RAPH1: variants seen among roughly 807,000 people sequenced by gnomAD.
RAPH1 encodes the protein ras-associated and pleckstrin homology domains-containing protein 1.
Under a neutral mutation model 88.1 loss-of-function variants are expected in RAPH1, and 18 were observed. The ratio of observed to expected loss-of-function variants is 0.20; its 90% CI spans 0.14 to 0.30. The LOEUF (loss-of-function observed/expected upper bound fraction) is 0.30. Ranked by LOEUF, RAPH1 falls within the 10% of genes least tolerant of loss-of-function variation. The pLI is 1.00. For missense variants in RAPH1, 1,448 were observed against 1,543.2 expected, an observed-to-expected ratio of 0.94 and a Z score of 1.03; for synonymous variants, 587 against 559.0, an observed-to-expected ratio of 1.05 and a Z score of -0.71.
chr2:203,448,219 C>G lies in RAPH1; in HGVS notation c.1513-140G>C. On this transcript the variant is annotated intron_variant, in intron 11 of 13. Coordinates refer to ENST00000319170, the MANE Select transcript of RAPH1 (RefSeq NM_213589.3). This position sits in a 1 kb window ranked among gnomAD's most constrained non-coding sequence, Gnocchi z 4.1. ...AATACCTATGATAGTTCAAAAATTC[C>G]TCTAATACCATAAATTATAATCTAT... 1 of 644,024 alleles carries G rather than the reference C, an allele frequency of 1.6e-6. No individual in the cohort carries two copies. Among genetic ancestry groups the G allele is most frequent in the Non-Finnish European group, 2.4e-6 (1 of 413,422 alleles). The allele number at this position is 644,024 out of a possible 1,614,324, so 39.9% of individuals were successfully genotyped here. A position where few individuals can be genotyped will look rare whatever the true frequency, so the allele number is the denominator to read the frequency against.
In RAPH1 at chr2:203,438,524, A is replaced by G. The variant is rs1202467203; in HGVS notation, c.*913T>C. On this transcript the variant is annotated 3_prime_UTR_variant, in exon 14 of 14. Transcript: ENST00000319170. ...AAGACATACTGGGACAGAACATTAC[A>G]GAGATAACTGTGTTATCCATCCTCT... 4.9e-6 allele frequency: 1 copy of G among 203,314 alleles called. No homozygotes were observed. Among genetic ancestry groups the G allele is most frequent in the Non-Finnish European group, 1.0e-5 (1 of 100,146 alleles). The allele number at this position is 203,314 out of a possible 1,614,324, so 12.6% of individuals were successfully genotyped here.
chr2:203,465,900 G>A lies in RAPH1; in HGVS notation c.733-3975C>T, dbSNP rs575410280. Reference sequence around the variant, plus strand: ...CTCAAAAAAAAAAAGTTGACACAACGGACATAGGGATTAAACAAAGAAGAG... The same window carrying A: ...CTCAAAAAAAAAAAGTTGACACAACAGACATAGGGATTAAACAAAGAAGAG... On this transcript the variant is annotated intron_variant, in intron 4 of 13. Coordinates refer to ENST00000319170, the MANE Select transcript of RAPH1 (RefSeq NM_213589.3). Among the ~76,000 whole-genome samples, 26 of 152,066 alleles carry A rather than the reference G, an allele frequency of 1.7e-4. No homozygotes were observed. In the East Asian group the frequency reaches 4.6e-3, roughly 27 times the overall value.
At position 203,440,194 on chromosome 2, in the gene RAPH1, C is replaced by T. The variant is rs748726403; in HGVS notation, c.2996G>A (p.Ser999Asn). ...HPEPKRPSVD[S>N]LVSKFTPPAE... ...TGGCGGTGTAAACTTGCTGACTAGA[C>T]TGTCCACCGAGGGTCTCTTGGGCTC... Residue 999 changes from serine to asparagine, a missense_variant, in exon 14 of 14, where the codon AGT becomes AAT. By Grantham distance (46) the Ser-to-Asn change is conservative. This residue lies in a region of RAPH1 where 935 missense variants were observed against 890.1 expected (regional missense o/e 1.05). Transcript: ENST00000319170. 6.2e-7 allele frequency: 1 copy of T among 1,613,790 alleles called. No homozygotes were observed.
At chr2:203,527,855 G>C (rs1218664494) in intron 1 of RAPH1, among the ~76,000 whole-genome samples, 2 of 147,006 alleles carry the variant, frequency 1.4e-5, no homozygotes, top group East Asian at 4.0e-4. Context: ...AATCCTTCAT[G>C]AAGCAGCTGC....
chr2:203,493,971 CAAAAAAAAAAAA>C (rs397937732), intron 2 of RAPH1, among the ~76,000 whole-genome samples: 487 of 18,978 alleles, frequency 0.026, 6 homozygotes, highest in African/African-American at 0.056. Flanking sequence ...GACTCTATCT[CAAAAAAAAAAAA>C]AAAAAAAAAA....
At chr2:203,522,415 T>G (rs1303767302) in intron 1 of RAPH1, among the ~76,000 whole-genome samples, 1 of 152,164 alleles carries the variant, frequency 6.6e-6, no homozygotes, top group South Asian at 2.1e-4. Flanking sequence ...CTGTGTAAGC[T>G]CTAAATAAAC....
intron 13 of RAPH1, chr2:203,442,173 C>T: frequency 2.3e-6 from 3 of 1,290,356 alleles, no homozygotes; most frequent in Non-Finnish European, 2.1e-6. Context: ...TAAGAGGAAG[C>T]TCTGGAAGGC....
chr2:203,506,856 C>CTATCTATATA lies in RAPH1; in HGVS notation c.1-11504_1-11503insTATATAGATA. Among the ~76,000 whole-genome samples, 2 of 30,776 alleles carry CTATCTATATA rather than the reference C, an allele frequency of 6.5e-5. 1 individual carries two copies. The highest frequency in any genetic ancestry group is 1.3e-3 in the East Asian group (2 of 1,496). The allele number at this position is 30,776 out of a possible 152,430, so 20.2% of individuals were successfully genotyped here. ...TCTATATCTATATATCTATCTATAT[C>CTATCTATATA]TATATATATATATATATATATATAG... On this transcript the variant is annotated intron_variant, in intron 1 of 13. Coordinates refer to ENST00000319170, the MANE Select transcript of RAPH1 (RefSeq NM_213589.3).
chr2:203,484,946 C>T (rs925279528), intron 4 of RAPH1, among the ~76,000 whole-genome samples: 16 of 152,216 alleles, frequency 1.1e-4, no homozygotes, highest in Middle Eastern at 6.8e-3. Flanking sequence ...CTTTTTGGGC[C>T]CATAAATAGC....
intron 1 of RAPH1, among the ~76,000 whole-genome samples, chr2:203,517,754 C>G (rs745956097): frequency 6.6e-6 from 1 of 151,942 alleles, no homozygotes; most frequent in Non-Finnish European, 1.5e-5. Context: ...TACACAACAA[C>G]CTCTTAAATA....
At chr2:203,444,414 G>C (rs2098507383) in intron 13 of RAPH1, 1 of 118,862 alleles carries the variant, frequency 8.4e-6, no homozygotes, top group Non-Finnish European at 1.6e-5. Context: ...CCTGGCGACA[G>C]ACTGACACTC....
At chr2:203,441,800 G>C in intron 13 of RAPH1, 1 of 1,286,906 alleles carries the variant, frequency 7.8e-7, no homozygotes, top group Non-Finnish European at 9.8e-7. Flanking sequence ...CTTCCAAGGG[G>C]AGATGTGATG....
At chr2:203,529,183 TTCAGG>T (rs922418689) in intron 1 of RAPH1, among the ~76,000 whole-genome samples, 4 of 151,392 alleles carry the variant, frequency 2.6e-5, no homozygotes, top group African/African-American at 7.3e-5. Context: ...TTTTGCCATG[TTCAGG>T]CTGGTCCCAA....
intron 4 of RAPH1, among the ~76,000 whole-genome samples, chr2:203,489,226 T>G (rs910270046): frequency 4.6e-5 from 7 of 152,038 alleles, no homozygotes; most frequent in Admixed American, 4.6e-4. Context: ...GTGATATGAG[T>G]GTTTTTCTTA....
chr2:203,476,721 A>G (rs1687472877), intron 4 of RAPH1, among the ~76,000 whole-genome samples: 3 of 152,240 alleles, frequency 2.0e-5, no homozygotes, highest in African/African-American at 7.2e-5. Flanking sequence ...GTTAAGCATC[A>G]GTGCAGAAGA....
chr2:203,439,393 G>A lies in RAPH1; in HGVS notation c.*44C>T. ...TCACAGATGATCAGGTGAGCTGATT[G>A]TAGCAGTGATTACAGATATCATGAA... On this transcript the variant is annotated 3_prime_UTR_variant, in exon 14 of 14. Coordinates refer to ENST00000319170, the MANE Select transcript of RAPH1 (RefSeq NM_213589.3). The A allele has an allele frequency of 1.3e-6, 2 of 1,567,428 alleles. No individual in the cohort carries two copies. The highest frequency in any genetic ancestry group is 1.2e-5 in the South Asian group (1 of 86,932).
At chr2:203,504,209 G>A (rs1017034194) in intron 1 of RAPH1, among the ~76,000 whole-genome samples, 6 of 152,180 alleles carry the variant, frequency 3.9e-5, no homozygotes, top group East Asian at 3.8e-4. Flanking sequence ...TTTCCCTTCC[G>A]CACTGTCCCA....
chr2:203,471,944 G>T (rs1349704483), intron 4 of RAPH1, among the ~76,000 whole-genome samples: 1 of 152,130 alleles, frequency 6.6e-6, no homozygotes, highest in Middle Eastern at 3.4e-3. Flanking sequence ...TAACTAGATT[G>T]TGTAGTCCTC....
In RAPH1 at chr2:203,433,924, A is replaced by G. The variant is rs1163493555; in HGVS notation, c.*5513T>C. 1.3e-5 allele frequency: 2 copies of G among 152,574 alleles called. No individual in the cohort carries two copies. Among genetic ancestry groups the G allele is most frequent in the Non-Finnish European group, 2.9e-5 (2 of 68,012 alleles). 9.5% of individuals were successfully genotyped at this position (152,574 alleles called of 1,614,324 possible). A position where few individuals can be genotyped will look rare whatever the true frequency, so the allele number is the denominator to read the frequency against. On this transcript the variant is annotated 3_prime_UTR_variant, in exon 14 of 14. Coordinates refer to ENST00000319170, the MANE Select transcript of RAPH1 (RefSeq NM_213589.3). ...GACTGTACGACTAGTGTGCTAAGCCATTACAATAGTTTACTGACATAACTG... is the reference window on the plus strand; with the variant it reads ...GACTGTACGACTAGTGTGCTAAGCCGTTACAATAGTTTACTGACATAACTG...
Sources: gnomAD v4.1 joint callset for allele counts (sites outside exome capture counted in the v4.1 genomes callset) on GRCh38, gnomAD v4.1.1 for gene constraint, gnomAD v4.1.1 regional missense constraint, Gnocchi (gnomAD v3.1) non-coding constraint, MANE v1.5 for transcripts, NCBI Gene and HGNC (gene_info 2026-07-23, HGNC 2026-07-21) for gene names.